The following PCDH15 variants were observed in gnomAD, a reference collection of about 807,000 sequenced individuals.
PCDH15 encodes the protein protocadherin-15.
A neutral mutation model predicts 178.5 loss-of-function variants in PCDH15; 129 were observed. That is an observed-to-expected ratio of 0.72 (90% CI 0.63 to 0.84). PCDH15 has a LOEUF of 0.84. Ranked by LOEUF, PCDH15 falls within the 40% of genes least tolerant of loss-of-function variation. The pLI is 0.00. For missense variants in PCDH15, 2,230 were observed against 2,099.9 expected (o/e 1.06, Z -1.21); for synonymous variants, 800 against 732.0 (o/e 1.09, Z -1.50).
chr10:54,704,481 C>T (rs956372380), intron 1 of PCDH15, among the ~76,000 whole-genome samples: 1 of 151,854 alleles, frequency 6.6e-6, no homozygotes. Flanking sequence ...CAAACAAAAA[C>T]CACACAAATA....
intron 10 of PCDH15, among the ~76,000 whole-genome samples, chr10:54,196,968 T>A (rs2049735682): frequency 6.6e-6 from 1 of 152,188 alleles, no homozygotes; most frequent in African/African-American, 2.4e-5. Flanking sequence ...CAGTTTATGG[T>A]GTTTTGTTAT....
chr10:54,985,645 T>G (rs899801183), intron 2 of PCDH15, among the ~76,000 whole-genome samples: 2 of 152,188 alleles, frequency 1.3e-5, no homozygotes, highest in African/African-American at 4.8e-5. Context: ...GGCTAACTAC[T>G]ACTACCTAGC....
intron 1 of PCDH15, among the ~76,000 whole-genome samples, chr10:55,215,661 A>G (rs1055194938): frequency 1.3e-5 from 2 of 152,050 alleles, no homozygotes; most frequent in Non-Finnish European, 2.9e-5. Context: ...TACTCAATGG[A>G]TACTAATAAA....
Position 53,827,413 on chromosome 10 carries a change from T to A in PCDH15, c.4347A>T (p.Glu1449Asp). The change falls in exon 32 of 38, where the codon GAA becomes GAT. Residue 1449 changes from glutamate to aspartate, a missense_variant. Physicochemically the swap from Glu to Asp is conservative, Grantham distance 45. Transcript: ENST00000644397. ...PPPPPGAHLY[E>D]ELGDSSIWSF... ...CTTACATTGAGCTGTCTCCAAGTTC[T>A]TCATAGAGATGCGCACCTGGCGGAG... 6.2e-7 allele frequency: 1 copy of A among 1,612,950 alleles called. No homozygotes were observed. Among genetic ancestry groups the A allele is most frequent in the Non-Finnish European group, 8.5e-7 (1 of 1,179,256 alleles).
chr10:54,718,478 G>A (rs1334731195), intron 1 of PCDH15, among the ~76,000 whole-genome samples: 1 of 151,906 alleles, frequency 6.6e-6, no homozygotes, highest in Non-Finnish European at 1.5e-5. Flanking sequence ...AGACTCTTTA[G>A]CCCTGAAAGC....
At chr10:55,250,226 C>G (rs143329618) in intron 1 of PCDH15, among the ~76,000 whole-genome samples, 2 of 152,000 alleles carry the variant, frequency 1.3e-5, no homozygotes, top group African/African-American at 4.8e-5. Flanking sequence ...TCACTGAAAC[C>G]TCAAACTCCC....
chr10:54,287,889 A>G (rs1326634833), intron 8 of PCDH15, among the ~76,000 whole-genome samples: 1 of 152,168 alleles, frequency 6.6e-6, no homozygotes, highest in Non-Finnish European at 1.5e-5. Context: ...CTGGTTAGAG[A>G]TGGACTCTGG....
intron 1 of PCDH15, among the ~76,000 whole-genome samples, chr10:54,757,702 G>T (rs998323604): frequency 2.6e-5 from 4 of 152,120 alleles, no homozygotes; most frequent in African/African-American, 9.7e-5. Context: ...AGACCAATTA[G>T]ATTATTCCTT....
chr10:55,521,779 CA>C (rs994281165), intron 2 of PCDH15, among the ~76,000 whole-genome samples: 3 of 151,772 alleles, frequency 2.0e-5, no homozygotes, highest in Admixed American at 6.6e-5. Context: ...TATTGTAAGT[CA>C]AAACTGCATT....
intron 2 of PCDH15, among the ~76,000 whole-genome samples, chr10:54,592,866 T>C (rs974080147): frequency 6.6e-6 from 1 of 152,168 alleles, no homozygotes; most frequent in Middle Eastern, 3.2e-3. Context: ...AGTTTGATAA[T>C]AGCCATTCAA....
chr10:54,891,461 G>A (rs1201192881), intron 3 of PCDH15, among the ~76,000 whole-genome samples: 3 of 152,108 alleles, frequency 2.0e-5, no homozygotes, highest in Non-Finnish European at 4.4e-5. Context: ...TGAGAGGATG[G>A]TGAATAAAAG....
upstream of PCDH15, among the ~76,000 whole-genome samples, chr10:55,320,652 A>G (rs548104739): frequency 6.7e-6 from 1 of 150,034 alleles, no homozygotes; most frequent in African/African-American, 2.4e-5. Flanking sequence ...CACCCCCCCC[A>G]GAATTAGAGT....
intron 1 of PCDH15, among the ~76,000 whole-genome samples, chr10:54,675,244 T>C (rs2094761521): frequency 6.6e-6 from 1 of 152,034 alleles, no homozygotes; most frequent in African/African-American, 2.4e-5. Context: ...TTTATGGGCA[T>C]TCTAATGATT....
intron 2 of PCDH15, among the ~76,000 whole-genome samples, chr10:54,566,029 A>G (rs914656476): frequency 6.6e-6 from 1 of 152,196 alleles, no homozygotes; most frequent in African/African-American, 2.4e-5. Context: ...GTTTGCAGCG[A>G]GCTGAGATCG....
At chr10:54,114,483 G>C (rs1023285440) in intron 15 of PCDH15, among the ~76,000 whole-genome samples, 13 of 151,916 alleles carry the variant, frequency 8.6e-5, no homozygotes, top group African/African-American at 3.1e-4. Flanking sequence ...TGATTACATA[G>C]TATATTCCAG....
chr10:55,443,285 A>C (rs1839238215), intron 2 of PCDH15, among the ~76,000 whole-genome samples: 1 of 152,204 alleles, frequency 6.6e-6, no homozygotes, highest in South Asian at 2.1e-4. Context: ...CAAAATTGAC[A>C]AACGGGATTT....
chr10:55,068,360 C>T (rs1483613403), intron 2 of PCDH15, among the ~76,000 whole-genome samples: 2 of 151,992 alleles, frequency 1.3e-5, no homozygotes, highest in Non-Finnish European at 2.9e-5. Context: ...AAGAGACTGT[C>T]CTTTCCCCAG....
At chr10:55,377,076 A>G (rs1837410541) in intron 2 of PCDH15, among the ~76,000 whole-genome samples, 1 of 151,240 alleles carries the variant, frequency 6.6e-6, no homozygotes, top group African/African-American at 2.4e-5. Flanking sequence ...ATTAGTTCAT[A>G]TATTGGGCAA....
intron 8 of PCDH15, among the ~76,000 whole-genome samples, chr10:54,282,851 AT>A (rs1389935400): frequency 1.3e-5 from 2 of 152,148 alleles, no homozygotes; most frequent in African/African-American, 4.8e-5. Context: ...TAATGTTTAA[AT>A]TCATGATTTC....
Sources: allele counts gnomAD v4.1 joint callset (sites outside exome capture counted in the v4.1 genomes callset), GRCh38; gene constraint gnomAD v4.1.1; transcripts MANE v1.5; gene names NCBI Gene and HGNC (gene_info 2026-07-23, HGNC 2026-07-21).